APBB2: variants seen among roughly 807,000 people sequenced by gnomAD.
APBB2 encodes amyloid beta precursor protein binding family B member 2.
Under a neutral mutation model 82.5 loss-of-function variants are expected in APBB2, and 38 were observed. The observed-to-expected ratio is 0.46, with a 90% CI of 0.36 to 0.60. The LOEUF (loss-of-function observed/expected upper bound fraction) is 0.60. Ranked by LOEUF, APBB2 falls within the 20% of genes least tolerant of loss-of-function variation. The pLI is 0.00. For missense variants in APBB2, 772 were observed against 972.3 expected (o/e 0.79, Z 2.74); for synonymous variants, 341 against 368.2 (o/e 0.93, Z 0.85).
intron 11 of APBB2, among the ~76,000 whole-genome samples, chr4:40,891,943 G>A (rs1772148427): frequency 6.7e-6 from 1 of 150,168 alleles, no homozygotes. Context: ...ATAGGCCTGG[G>A]TTTTGTTCTT....
At chr4:41,035,067 T>C (rs906751654) in intron 4 of APBB2, among the ~76,000 whole-genome samples, 2 of 152,206 alleles carry the variant, frequency 1.3e-5, no homozygotes, top group Non-Finnish European at 1.5e-5. Context: ...GTTTTTTTCA[T>C]TGAGATGTGG....
At chr4:41,205,725 G>GTT in intron 1 of APBB2, among the ~76,000 whole-genome samples, 1 of 152,186 alleles carries the variant, frequency 6.6e-6, no homozygotes, top group African/African-American at 2.4e-5. Context: ...AAAAATACTC[G>GTT]TTAAGTAAGG....
intron 2 of APBB2, among the ~76,000 whole-genome samples, chr4:41,121,511 G>A (rs1752800163): frequency 6.6e-6 from 1 of 152,224 alleles, no homozygotes; most frequent in African/African-American, 2.4e-5. Context: ...CTGGTGGTGG[G>A]AGTGAGGGAA....
chr4:41,188,419 G>A (rs1455082967), intron 1 of APBB2, among the ~76,000 whole-genome samples: 1 of 152,152 alleles, frequency 6.6e-6, no homozygotes, highest in Non-Finnish European at 1.5e-5. Flanking sequence ...GTACTGGGAG[G>A]TGGGGTCTTT....
intron 6 of APBB2, among the ~76,000 whole-genome samples, chr4:40,949,315 G>A (rs1282461074): frequency 1.3e-5 from 2 of 152,146 alleles, no homozygotes; most frequent in African/African-American, 4.8e-5. Flanking sequence ...GTAGGTGGAA[G>A]TCCAGACCTT....
At chr4:41,177,625 C>T (rs1357279172) in intron 1 of APBB2, 1 of 152,172 alleles carries the variant, frequency 6.6e-6, no homozygotes, top group African/African-American at 2.4e-5. Flanking sequence ...GCGATGGACA[C>T]ACACCTGGTC....
chr4:40,907,379 A>ATATTTTTTT (rs1491382228), intron 10 of APBB2, among the ~76,000 whole-genome samples: 22 of 37,394 alleles, frequency 5.9e-4, no homozygotes, highest in African/African-American at 2.7e-3. Context: ...ATATATATAT[A>ATATTTTTTT]TTTTTTTTTT....
chr4:40,993,361 C>CT (rs34787320), intron 6 of APBB2, among the ~76,000 whole-genome samples: 39,023 of 114,670 alleles, frequency 0.34, 7,271 homozygotes, highest in Middle Eastern at 0.4. Flanking sequence ...ACTCTTCTCT[C>CT]TTTTTTTTTT....
chr4:41,120,592 C>G (rs1009695529), intron 2 of APBB2, among the ~76,000 whole-genome samples: 1 of 152,086 alleles, frequency 6.6e-6, no homozygotes, highest in Non-Finnish European at 1.5e-5. Flanking sequence ...TTTCTTTTCC[C>G]CTGGGGCCCT....
chr4:40,882,555 G>A (rs1312339667), intron 12 of APBB2, among the ~76,000 whole-genome samples: 3 of 152,208 alleles, frequency 2.0e-5, no homozygotes, highest in African/African-American at 4.8e-5. Flanking sequence ...TTTCTAGGAT[G>A]GTGCTCAGAG....
At chr4:41,011,762 C>T (rs530177267) in intron 6 of APBB2, among the ~76,000 whole-genome samples, 2 of 151,754 alleles carry the variant, frequency 1.3e-5, no homozygotes, top group African/African-American at 4.8e-5. Context: ...GGATCTATGA[C>T]TCAAACATTT....
At chr4:41,096,687 A>G (rs1488041292) in intron 3 of APBB2, among the ~76,000 whole-genome samples, 1 of 152,258 alleles carries the variant, frequency 6.6e-6, no homozygotes, top group Non-Finnish European at 1.5e-5. Context: ...AATGGGAGAA[A>G]AAAACCTTTA....
At chr4:40,987,962 C>T (rs749035647) in intron 6 of APBB2, among the ~76,000 whole-genome samples, 1 of 152,162 alleles carries the variant, frequency 6.6e-6, no homozygotes, top group African/African-American at 2.4e-5. Flanking sequence ...TATATTCAAA[C>T]ATTAGTGTTC....
At chr4:40,866,027 T>C (rs1169887226) in intron 12 of APBB2, among the ~76,000 whole-genome samples, 2 of 152,202 alleles carry the variant, frequency 1.3e-5, no homozygotes, top group Non-Finnish European at 2.9e-5. Context: ...ACGGTGCACC[T>C]CCTCAGAAAG....
intron 10 of APBB2, among the ~76,000 whole-genome samples, chr4:40,927,543 C>A (rs1384170469): frequency 6.6e-6 from 1 of 152,064 alleles, no homozygotes; most frequent in Non-Finnish European, 1.5e-5. Flanking sequence ...GTGCAGTGGC[C>A]GATCATGGCT....
intron 2 of APBB2, among the ~76,000 whole-genome samples, chr4:41,111,928 G>C (rs901808195): frequency 3.9e-5 from 6 of 152,098 alleles, no homozygotes; most frequent in African/African-American, 1.4e-4. Flanking sequence ...ACAATAAAAG[G>C]CAAACCAAAT....
At chr4:40,913,508 C>G (rs187154374) in intron 10 of APBB2, among the ~76,000 whole-genome samples, 1 of 152,264 alleles carries the variant, frequency 6.6e-6, no homozygotes, top group African/African-American at 2.4e-5. Context: ...CACTCCATCC[C>G]CATCATGTGC....
Position 41,199,158 on chromosome 4 carries a change from G to C in APBB2, c.-417+15247C>G, listed in dbSNP as rs1315736740. ...ATTAGGACTTCAAGTTATATTTTTG[G>C]GGGGGACACAATTTAACCCAAACAG... On this transcript the variant is annotated intron_variant, in intron 1 of 17. Coordinates refer to ENST00000508593, the MANE Select transcript of APBB2 (RefSeq NM_004307.2). Among the ~76,000 whole-genome samples, 3 of 150,272 alleles carry C rather than the reference G, an allele frequency of 2.0e-5. No homozygotes were observed. The South Asian group carries it at 6.3e-4, about 31-fold the overall frequency.
chr4:40,856,594 C>G (rs766378135), intron 12 of APBB2, among the ~76,000 whole-genome samples: 5 of 152,216 alleles, frequency 3.3e-5, no homozygotes, highest in Admixed American at 1.3e-4. Flanking sequence ...ATCTTTCAGT[C>G]CTAATGTAGA....
Sources: allele counts gnomAD v4.1 joint callset (sites outside exome capture counted in the v4.1 genomes callset), GRCh38; gene constraint gnomAD v4.1.1; transcripts MANE v1.5; gene names NCBI Gene and HGNC (gene_info 2026-07-23, HGNC 2026-07-21).